The following JADE2 variants were observed in gnomAD, a reference collection of about 807,000 sequenced individuals.
JADE2 encodes jade family PHD finger 2.
A neutral mutation model predicts 85.7 loss-of-function variants in JADE2; 13 were observed. The observed-to-expected ratio is 0.15, with a 90% CI of 0.10 to 0.24. The LOEUF is 0.24. Ranked by LOEUF, JADE2 falls within the 10% of genes least tolerant of loss-of-function variation. JADE2 has a pLI of 1.00. For missense variants in JADE2, 846 were observed against 1,115.9 expected (o/e 0.76, Z 3.45); for synonymous variants, 440 against 456.1 (o/e 0.96, Z 0.45).
At position 134,562,063 on chromosome 5, in the gene JADE2, A is replaced by C. The variant is rs1342429934; in HGVS notation, c.685-137A>C. 2 of 847,440 alleles carry C rather than the reference A, an allele frequency of 2.4e-6. No individual in the cohort carries two copies. Among genetic ancestry groups the C allele is most frequent in the Non-Finnish European group, 3.5e-6 (2 of 565,668 alleles). The allele number at this position is 847,440 out of a possible 1,614,324, so 52.5% of individuals were successfully genotyped here. A position where few individuals can be genotyped will look rare whatever the true frequency, so the allele number is the denominator to read the frequency against. ...TTCCTTCCTTGCATTGTAACTCCTC[A>C]GAAGTTGTACGTGCCAGAGATGGGA... On this transcript the variant is annotated intron_variant, in intron 6 of 11. Coordinates refer to ENST00000681547, the MANE Select transcript of JADE2 (RefSeq NM_001388185.1). This position sits in a 1 kb window ranked among gnomAD's most constrained non-coding sequence, Gnocchi z 4.6.
intron 9 of JADE2, among the ~76,000 whole-genome samples, chr5:134,572,243 G>A (rs1166784897): frequency 6.6e-6 from 1 of 152,230 alleles, no homozygotes; most frequent in Non-Finnish European, 1.5e-5. Flanking sequence ...GCGGAGCTGA[G>A]GCTCAGAGGT....
chr5:134,577,162 T>C (rs1764424510), intron 11 of JADE2: 1 of 365,800 alleles, frequency 2.7e-6, no homozygotes, highest in Non-Finnish European at 4.9e-6. Flanking sequence ...TGTCCAGTCA[T>C]TCCCCTGGCT....
intron 3 of JADE2, among the ~76,000 whole-genome samples, chr5:134,540,181 C>T (rs1157235451): frequency 6.6e-6 from 1 of 151,626 alleles, no homozygotes; most frequent in Admixed American, 6.6e-5. Flanking sequence ...CCTGCTGGCT[C>T]TTGGTTGTTT....
chr5:134,564,778 A>T lies in JADE2; in HGVS notation c.969+168A>T, dbSNP rs114626647. Among the ~76,000 whole-genome samples the T allele has an allele frequency of 3.0e-3, 458 of 152,150 alleles. 3 individuals carry two copies. The highest frequency in any genetic ancestry group is 0.011 in the African/African-American group (446 of 41,502). On this transcript the variant is annotated intron_variant, in intron 8 of 11. Transcript: ENST00000681547. The stretch of plus-strand genomic sequence containing the variant: ...GTCAGAATCGCACCTGTTGGGGAGC[A>T]TTTCTCCATCCCCTGGTCTTCTAGG...
intron 3 of JADE2, among the ~76,000 whole-genome samples, chr5:134,544,227 C>T (rs111655181): frequency 7.6e-4 from 116 of 152,352 alleles, no homozygotes; most frequent in African/African-American, 2.8e-3. Flanking sequence ...TCAAAATCAG[C>T]AAGTGCTTAA....
At chr5:134,571,301 C>T (rs940272529) in intron 9 of JADE2, among the ~76,000 whole-genome samples, 2 of 152,204 alleles carry the variant, frequency 1.3e-5, no homozygotes, top group African/African-American at 4.8e-5. Context: ...GGTCACATTG[C>T]AAGGGTCCCA....
At chr5:134,537,549 C>T (rs2149880038) in intron 2 of JADE2, among the ~76,000 whole-genome samples, 1 of 152,336 alleles carries the variant, frequency 6.6e-6, no homozygotes, top group African/African-American at 2.4e-5. Flanking sequence ...TGCTGATGAC[C>T]TGGATCTGCT....
Position 134,562,870 on chromosome 5 carries a change from A to G in JADE2, c.852+503A>G, listed in dbSNP as rs570218100. Among the ~76,000 whole-genome samples, 8 of 152,344 alleles carry G rather than the reference A, an allele frequency of 5.3e-5. No homozygotes were observed. The South Asian group carries it at 1.7e-3, about 32-fold the overall frequency. ...TTGCTTGTGGACTTGGACAGAGCTC[A>G]GGTGGTGACTTCTATGAGAAAATGG... On this transcript the variant is annotated intron_variant, in intron 7 of 11. Transcript: ENST00000681547. This position sits in a 1 kb window ranked among gnomAD's most constrained non-coding sequence, Gnocchi z 4.6.
At chr5:134,540,857 T>A (rs1761922369) in intron 3 of JADE2, among the ~76,000 whole-genome samples, 1 of 152,188 alleles carries the variant, frequency 6.6e-6, no homozygotes, top group Admixed American at 6.5e-5. Context: ...GGCGCAAGGC[T>A]GCCATCTGCA....
At chr5:134,543,863 A>G (rs1762129285) in intron 3 of JADE2, among the ~76,000 whole-genome samples, 2 of 152,174 alleles carry the variant, frequency 1.3e-5, no homozygotes. Context: ...GCCTGGTTCA[A>G]AGATCTAAGC....
intron 1 of JADE2, among the ~76,000 whole-genome samples, chr5:134,533,856 C>T (rs1761413658): frequency 6.6e-6 from 1 of 150,942 alleles, no homozygotes; most frequent in African/African-American, 2.4e-5. Flanking sequence ...AAGCTATCCT[C>T]TCACCTCAGC....
At chr5:134,539,077 T>TTATTTATTTATTTATA (rs1761794160) in intron 3 of JADE2, among the ~76,000 whole-genome samples, 1 of 150,526 alleles carries the variant, frequency 6.6e-6, no homozygotes, top group Non-Finnish European at 1.5e-5. Flanking sequence ...ATTTATTTAT[T>TTATTTATTTATTTATA]TTGAGATGGA....
rs1354585330 is a variant in JADE2 at position 134,562,968 on chromosome 5, G to A, written c.852+601G>A. 6.6e-6 allele frequency among the ~76,000 whole-genome samples: 1 copy of A among 152,176 alleles called. No individual in the cohort carries two copies. The highest frequency in any genetic ancestry group is 2.4e-5 in the African/African-American group (1 of 41,454). ...CAGAAGTCAGGCAGCTGACTAGAGG[G>A]GAAAGCAGGTTGTGGGGTCCATCTA... is the stretch of plus-strand genomic sequence containing the variant. On this transcript the variant is annotated intron_variant, in intron 7 of 11. Transcript: ENST00000681547. The surrounding 1 kb of genome is among the most constrained non-coding windows in gnomAD (Gnocchi z 4.6).
intron 3 of JADE2, among the ~76,000 whole-genome samples, chr5:134,541,825 T>G (rs1761980407): frequency 6.6e-6 from 1 of 152,214 alleles, no homozygotes; most frequent in African/African-American, 2.4e-5. Flanking sequence ...CAGTGCACCC[T>G]AAGGGCGCAA....
chr5:134,559,470 G>T (rs1037396099), intron 4 of JADE2, among the ~76,000 whole-genome samples: 1 of 152,226 alleles, frequency 6.6e-6, no homozygotes, highest in Non-Finnish European at 1.5e-5. Flanking sequence ...GATCCAAACT[G>T]CTGGGCTTTA....
chr5:134,578,931 G>T lies in JADE2; in HGVS notation c.2119G>T (p.Asp707Tyr), dbSNP rs2150033227. ...CTTGCCGTCCAGCCCTGCAGCCGGG[G>T]ACTGTCCCATCCTAGCCACCCCTGA... ...SHLPSSPAAG[D>Y]CPILATPESP... is the part of the protein sequence containing the mutation. Residue 707 changes from aspartate (D) to tyrosine (Y), a missense_variant, in exon 12 of 12, where the codon GAC becomes TAC. Asp to Tyr is a radical substitution (Grantham distance 160). This residue lies in a region of JADE2 where 300 missense variants were observed against 300.7 expected (regional missense o/e 1.00). Coordinates refer to ENST00000681547, the MANE Select transcript of JADE2 (RefSeq NM_001388185.1). The surrounding 1 kb of genome is among the most constrained non-coding windows in gnomAD (Gnocchi z 4.4). 6.2e-7 allele frequency: 1 copy of T among 1,613,714 alleles called. No individual in the cohort carries two copies. The highest frequency in any genetic ancestry group is 8.5e-7 in the Non-Finnish European group (1 of 1,179,986).
intron 3 of JADE2, among the ~76,000 whole-genome samples, chr5:134,551,278 G>A (rs1040212578): frequency 2.0e-5 from 3 of 152,096 alleles, no homozygotes; most frequent in Middle Eastern, 3.2e-3. Flanking sequence ...ACTCAGGCTG[G>A]AGTGCAGTGG....
chr5:134,526,561 T>G (rs569069701), intron 1 of JADE2: 5 of 985,244 alleles, frequency 5.1e-6, no homozygotes, highest in Non-Finnish European at 6.0e-6. Flanking sequence ...CCGGTGCACA[T>G]GACCTCGCGC....
intron 4 of JADE2, among the ~76,000 whole-genome samples, chr5:134,554,180 G>A (rs745442357): frequency 3.3e-5 from 5 of 152,320 alleles, no homozygotes; most frequent in African/African-American, 4.8e-5. Context: ...CAGCAGACTC[G>A]AAGCCCCAAT....
Sources: gnomAD v4.1 joint callset for allele counts (sites outside exome capture counted in the v4.1 genomes callset) on GRCh38, gnomAD v4.1.1 for gene constraint, gnomAD v4.1.1 regional missense constraint, Gnocchi (gnomAD v3.1) non-coding constraint, MANE v1.5 for transcripts, NCBI Gene and HGNC (gene_info 2026-07-23, HGNC 2026-07-21) for gene names.